The following COL5A1 variants were observed in gnomAD, a reference collection of about 807,000 sequenced individuals.
COL5A1 encodes collagen type V alpha 1 chain, also known as collagen alpha-1(V) chain.
Under a neutral mutation model 263.7 loss-of-function variants are expected in COL5A1, and 16 were observed. The ratio of observed to expected loss-of-function variants is 0.06; its 90% confidence interval spans 0.04 to 0.09. The LOEUF is 0.09. Among genes scored for constraint, COL5A1 ranks in the 10% least tolerant of loss-of-function variants. The probability of loss-of-function intolerance (pLI) is 1.00; values close to 1 mark genes in which losing one functional copy is unlikely to be tolerated. For synonymous variants in COL5A1, 1,012 were observed against 1,004.5 expected, an observed-to-expected ratio of 1.01 and a Z score of -0.14; for missense variants, 2,036 against 2,540.5, an observed-to-expected ratio of 0.80 and a Z score of 4.27.
chr9:134,708,112 C>A (rs765555088), intron 4 of COL5A1, among the ~76,000 whole-genome samples: 11 of 152,080 alleles, frequency 7.2e-5, no homozygotes, highest in Non-Finnish European at 1.6e-4. Flanking sequence ...GGAGGGCTTT[C>A]CCCGCCTTGG....
chr9:134,726,402 A>C lies in COL5A1; in HGVS notation c.655-864A>C, dbSNP rs141232811. 7.6e-4 allele frequency among the ~76,000 whole-genome samples: 115 copies of C among 152,108 alleles called. 2 individuals carry two copies. In the East Asian group the frequency reaches 0.021, roughly 28 times the overall value. On this transcript the variant is annotated intron_variant, in intron 4 of 65. Coordinates refer to ENST00000371817, the MANE Select transcript of COL5A1 (RefSeq NM_000093.5). ...GATAGATGGATGAATTAATGAGCAGATAGATGGCTGGGTGGATGGATGGAC... is the reference window on the plus strand; with the variant it reads ...GATAGATGGATGAATTAATGAGCAGCTAGATGGCTGGGTGGATGGATGGAC...
Position 134,822,001 on chromosome 9 carries a change from C to G in COL5A1, c.4555-96C>G, listed in dbSNP as rs535639616. 1.2e-5 allele frequency: 13 copies of G among 1,068,732 alleles called. No individual in the cohort carries two copies. In the Admixed American group the frequency reaches 1.7e-4, roughly 14 times the overall value. 66.2% of individuals were successfully genotyped at this position (1,068,732 alleles called of 1,614,324 possible). On this transcript the variant is annotated intron_variant, in intron 58 of 65. Coordinates refer to ENST00000371817, the MANE Select transcript of COL5A1 (RefSeq NM_000093.5). Reference sequence around the variant, plus strand: ...CAAAGGGCATACCGTGGGGAAGGGACAGGGGAGCCGAGGGGTGTGGCTGGG... The same window carrying G: ...CAAAGGGCATACCGTGGGGAAGGGAGAGGGGAGCCGAGGGGTGTGGCTGGG...
At chr9:134,824,137 C>G (rs1366893245) in intron 61 of COL5A1, among the ~76,000 whole-genome samples, 1 of 152,146 alleles carries the variant, frequency 6.6e-6, no homozygotes, top group African/African-American at 2.4e-5. Context: ...GTTGTGGAGT[C>G]TCTCCAACTC....
rs74485408 is a variant in COL5A1, at chr9:134,672,268, C to T, written c.110-18644C>T. On this transcript the variant is annotated intron_variant, in intron 1 of 65. Coordinates refer to ENST00000371817, the MANE Select transcript of COL5A1 (RefSeq NM_000093.5). ...TCCATGATAGAAGTGTTAAAAGCTA[C>T]CAAAAAGTATAAAAAAGAAGATGAA... Among the ~76,000 whole-genome samples the T allele has an allele frequency of 1.6e-3, 236 of 152,102 alleles. 1 individual carries two copies. Among genetic ancestry groups the T allele is most frequent in the African/African-American group, 5.5e-3 (227 of 41,462 alleles).
At chr9:134,685,428 A>G (rs1833014750) in intron 1 of COL5A1, among the ~76,000 whole-genome samples, 7 of 3,268 alleles carry the variant, frequency 2.1e-3, no homozygotes, top group African/African-American at 0.012. Context: ...CCATCCATCC[A>G]TCCATCCATC....
rs200977434 is a variant in COL5A1 at position 134,753,879 on chromosome 9, C to G, written c.1749C>G (p.Gly583=). Residue 583 remains glycine, a synonymous_variant, in exon 15 of 66, where the codon GGC becomes GGG. Coordinates refer to ENST00000371817, the MANE Select transcript of COL5A1 (RefSeq NM_000093.5). ...VGPPGSGGLK[G]EPGDVGPQGP... is the part of the protein sequence containing the mutation. ...CCCCTGGGAGCGGAGGTTTGAAGGG[C>G]GAGCCGGGAGACGTGGGGCCTCAGG... 2.5e-6 allele frequency: 4 copies of G among 1,612,604 alleles called. No homozygotes were observed. Among genetic ancestry groups the G allele is most frequent in the Non-Finnish European group, 3.4e-6 (4 of 1,179,478 alleles).
chr9:134,675,475 C>A (rs1162446095), intron 1 of COL5A1, among the ~76,000 whole-genome samples: 1 of 152,192 alleles, frequency 6.6e-6, no homozygotes, highest in Non-Finnish European at 1.5e-5. Context: ...GCAAGAACAT[C>A]TCCTGTGTAT....
At chr9:134,838,812 A>G (rs1037271595) in intron 65 of COL5A1, among the ~76,000 whole-genome samples, 1 of 152,242 alleles carries the variant, frequency 6.6e-6, no homozygotes, top group Non-Finnish European at 1.5e-5. Flanking sequence ...CCCAGATGGC[A>G]GGGGCAGGCT....
rs1425196144 is a variant in COL5A1, at chr9:134,794,316, T to A, written c.2701-766T>A. Among the ~76,000 whole-genome samples, 6 of 132,436 alleles carry A rather than the reference T, an allele frequency of 4.5e-5. No homozygotes were observed. The highest frequency in any genetic ancestry group is 1.7e-4 in the African/African-American group (6 of 34,758). The allele number at this position is 132,436 out of a possible 152,430, so 86.9% of individuals were successfully genotyped here. On this transcript the variant is annotated intron_variant, in intron 32 of 65. Transcript: ENST00000371817. This position sits in a 1 kb window ranked among gnomAD's most constrained non-coding sequence, Gnocchi z 4.3. ...TTCCAGCCTGGCGGCAGAGCAAGAC[T>A]CTGTCTAAAAAAAAAAAAAAAGAAA... is the stretch of plus-strand genomic sequence containing the variant.
intron 14 of COL5A1, 84 bp downstream of exon 14, chr9:134,752,729 C>T: frequency 1.8e-6 from 2 of 1,110,620 alleles, no homozygotes; most frequent in South Asian, 2.6e-5. Context: ...TGGCAGGTGG[C>T]CCTGGGGTCC....
chr9:134,748,768 G>A (rs1053508685), intron 11 of COL5A1, among the ~76,000 whole-genome samples: 6 of 152,154 alleles, frequency 3.9e-5, no homozygotes, highest in Non-Finnish European at 8.8e-5. Context: ...CACGTCTGTC[G>A]GGCAGTGTTT....
At chr9:134,723,176 CTCAGCTCCCG>C (rs1564411750) in intron 4 of COL5A1, among the ~76,000 whole-genome samples, 1 of 152,196 alleles carries the variant, frequency 6.6e-6, no homozygotes, top group East Asian at 1.9e-4. Context: ...CAGGTGCAAG[CTCAGCTCCCG>C]ACGACCGCCA....
chr9:134,823,341 T>C, intron 60 of COL5A1, 75 bp from the exon 61 acceptor site: 2 of 1,535,130 alleles, frequency 1.3e-6, no homozygotes, highest in Non-Finnish European at 1.8e-6. Context: ...CCAGGGACCA[T>C]TCTAGAGCTG....
intron 27 of COL5A1, among the ~76,000 whole-genome samples, chr9:134,776,779 T>A (rs1186410755): frequency 6.6e-6 from 1 of 152,236 alleles, no homozygotes; most frequent in African/African-American, 2.4e-5. Flanking sequence ...GAATTATTTC[T>A]CACAGTCCTG....
chr9:134,725,162 CT>C (rs1026319929), intron 4 of COL5A1, among the ~76,000 whole-genome samples: 22 of 152,270 alleles, frequency 1.4e-4, no homozygotes, highest in African/African-American at 5.3e-4. Flanking sequence ...CCTCCAAGTT[CT>C]TTTCCCTCCC....
At chr9:134,823,719 G>A (rs539152882) in intron 61 of COL5A1, among the ~76,000 whole-genome samples, 168 of 152,358 alleles carry the variant, frequency 1.1e-3, no homozygotes, top group African/African-American at 3.8e-3. Flanking sequence ...TGCTGTGTGT[G>A]CATGCATGGT....
intron 52 of COL5A1, among the ~76,000 whole-genome samples, chr9:134,816,492 G>GCCTTGCAGATGCCCTTGCCCCAC (rs1170410057): frequency 6.6e-6 from 1 of 152,250 alleles, no homozygotes; most frequent in Non-Finnish European, 1.5e-5. Flanking sequence ...GGCCCCTGAG[G>GCCTTGCAGATGCCCTTGCCCCAC]CCTTGCAGAT....
At chr9:134,829,352 C>A (rs1235124638) in intron 63 of COL5A1, among the ~76,000 whole-genome samples, 4 of 149,676 alleles carry the variant, frequency 2.7e-5, no homozygotes, top group African/African-American at 1.0e-4. Flanking sequence ...GGGCTGGGGC[C>A]AGGCTCATCC....
intron 42 of COL5A1, among the ~76,000 whole-genome samples, chr9:134,808,247 G>GCA (rs1838365852): frequency 1.3e-5 from 2 of 152,102 alleles, no homozygotes; most frequent in South Asian, 4.1e-4. Context: ...TTCCCAATGT[G>GCA]CACACCCTCC....
Sources: gnomAD v4.1 joint callset for allele counts (sites outside exome capture counted in the v4.1 genomes callset) on GRCh38, gnomAD v4.1.1 for gene constraint, Gnocchi (gnomAD v3.1) non-coding constraint, MANE v1.5 for transcripts, NCBI Gene and HGNC (gene_info 2026-07-23, HGNC 2026-07-21) for gene names.